Variants in LLGL1 observed in about 807,000 individuals in gnomAD.
LLGL1 encodes the protein lethal(2) giant larvae protein homolog 1.
Under a neutral mutation model 110.6 loss-of-function variants are expected in LLGL1, and 58 were observed. The observed-to-expected ratio is 0.52, with a 90% CI of 0.42 to 0.65. The LOEUF (loss-of-function observed/expected upper bound fraction) is 0.65. Ranked by LOEUF, LLGL1 falls within the 30% of genes least tolerant of loss-of-function variation. The pLI is 0.00. For missense variants in LLGL1, 1,229 were observed against 1,462.1 expected (o/e 0.84, Z 2.60); for synonymous variants, 674 against 607.2 (o/e 1.11, Z -1.62).
intron 2 of LLGL1, among the ~76,000 whole-genome samples, 187 bp downstream of exon 2, chr17:18,230,225 G>A (rs1021396258): frequency 6.6e-6 from 1 of 152,188 alleles, no homozygotes; most frequent in African/African-American, 2.4e-5. Context: ...GTGCAGAGAT[G>A]ATGGGGTCCT....
At chr17:18,242,676 G>A (rs1306442308) in intron 21 of LLGL1, 48 bp downstream of exon 21, 8 of 1,573,986 alleles carry the variant, frequency 5.1e-6, no homozygotes, top group Non-Finnish European at 6.0e-6. Context: ...TGTCCCCTAG[G>A]CCTCCGTCCC....
chr17:18,231,720 GCA>G (rs1233876244), intron 2 of LLGL1, among the ~76,000 whole-genome samples: 2 of 152,150 alleles, frequency 1.3e-5, no homozygotes, highest in African/African-American at 4.8e-5. Context: ...GAGTGCAGTC[GCA>G]CAGTTTTGGC....
intron 22 of LLGL1, 95 bp from the exon 23 acceptor site, chr17:18,243,813 G>C (rs2047914093): frequency 6.6e-6 from 1 of 152,276 alleles, no homozygotes; most frequent in Non-Finnish European, 1.5e-5. Context: ...AGAGGAGACA[G>C]TGGCAGCACC....
chr17:18,242,134 C>G (rs1324977148), intron 19 of LLGL1, 32 bp from the exon 20 acceptor site: 1 of 1,582,364 alleles, frequency 6.3e-7, no homozygotes, highest in Non-Finnish European at 8.7e-7. Flanking sequence ...AGTCATCCAC[C>G]TATGGTCCCC....
chr17:18,237,608 C>T lies in LLGL1; in HGVS notation c.1739C>T (p.Pro580Leu), dbSNP rs1063685. The T allele has an allele frequency of 1.7e-5, 27 of 1,611,028 alleles. No individual in the cohort carries two copies. Among genetic ancestry groups the T allele is most frequent in the Middle Eastern group, 2.1e-4 (1 of 4,764 alleles). ...GHERLSPRTG[P>L]LPWPAGFQPR... ...GAGCGGCTGAGCCCACGCACGGGGC[C>T]GCTGCCCTGGCCTGCTGGCTTCCAG... The change falls in exon 14 of 23, where the codon CCG (proline) becomes CTG (leucine). Residue 580 changes from proline (P) to leucine (L), a missense_variant. Transcript: ENST00000316843.
chr17:18,243,885 T>TA (rs2047916633), intron 22 of LLGL1, 23 bp from the exon 23 acceptor site: 1 of 152,600 alleles, frequency 6.6e-6, no homozygotes, highest in African/African-American at 2.4e-5. Flanking sequence ...CTTCTGCTGA[T>TA]ACCTCTTCTC....
chr17:18,238,585 T>C lies in LLGL1; in HGVS notation c.2182T>C (p.Phe728Leu), dbSNP rs1337336803. The C allele has an allele frequency of 6.2e-7, 1 of 1,612,496 alleles. No homozygotes were observed. Among genetic ancestry groups the C allele is most frequent in the Non-Finnish European group, 8.5e-7 (1 of 1,179,704 alleles). The change falls in exon 16 of 23, where the codon TTT (phenylalanine) becomes CTT (leucine). Residue 728 changes from phenylalanine to leucine, a missense_variant. By Grantham distance (22) the Phe-to-Leu change is conservative. Transcript: ENST00000316843. ...SLSGVVRCLY[F>L]ADTFLRDGAH... ...GTCGGGTGTCGTGCGTTGCCTATACTTTGCCGACACATTCCTTCGAGATGG... is the reference window on the plus strand; with the variant it reads ...GTCGGGTGTCGTGCGTTGCCTATACCTTGCCGACACATTCCTTCGAGATGG...
At chr17:18,239,258 G>C (rs2047768757) in intron 16 of LLGL1, among the ~76,000 whole-genome samples, 1 of 152,202 alleles carries the variant, frequency 6.6e-6, no homozygotes, top group Non-Finnish European at 1.5e-5. Flanking sequence ...GAGGGTCGAG[G>C]TGTGTGGTTC....
rs923855774 is a variant in LLGL1 at position 18,238,395 on chromosome 17, A to G, written c.2053-61A>G. ...GAATGGTAACAGAACGTAGGGCGCA[A>G]AGCAGGATGCAAGCCACTGGGGTGC... On this transcript the variant is annotated intron_variant, in intron 15 of 22. Coordinates refer to ENST00000316843, the MANE Select transcript of LLGL1 (RefSeq NM_004140.4). 6.3e-6 allele frequency: 10 copies of G among 1,575,558 alleles called. No individual in the cohort carries two copies. In the Admixed American group the frequency reaches 1.4e-4, roughly 22 times the overall value.
Position 18,236,823 on chromosome 17 carries a change from C to T in LLGL1, c.1507-12C>T, listed in dbSNP as rs191615736. On this transcript the variant is annotated splice_polypyrimidine_tract_variant and intron_variant, in intron 12 of 22. Transcript: ENST00000316843. ...CCCCGCCTGGACTCATTACTCCTTC[C>T]CATCCCTCTAGGTGGGCTGCTTCGA... 7 of 1,613,496 alleles carry T rather than the reference C, an allele frequency of 4.3e-6. No individual in the cohort carries two copies. Among genetic ancestry groups the T allele is most frequent in the Non-Finnish European group, 5.9e-6 (7 of 1,179,832 alleles).
intron 20 of LLGL1, 65 bp downstream of exon 20, chr17:18,242,343 C>T (rs1235044423): frequency 1.9e-6 from 3 of 1,550,760 alleles, no homozygotes; most frequent in East Asian, 2.2e-5. Flanking sequence ...GGAGTCGGGA[C>T]TCACATAGCT....
Position 18,242,017 on chromosome 17 carries a change from T to C in LLGL1, c.2882+18T>C. 2 of 1,599,900 alleles carry C rather than the reference T, an allele frequency of 1.3e-6. No homozygotes were observed. The highest frequency in any genetic ancestry group is 1.7e-6 in the Non-Finnish European group (2 of 1,167,276). On this transcript the variant is annotated intron_variant, in intron 19 of 22. Transcript: ENST00000316843. ...CAGGCCAGGTGTGTGGAGGGGCAGC[T>C]CCTAGCCTGGGGGACCTGTGCCCAG...
intron 11 of LLGL1, chr17:18,235,762 C>G: frequency 1.8e-6 from 1 of 560,942 alleles, no homozygotes; most frequent in South Asian, 2.2e-5. Context: ...TACCAAACCC[C>G]AGGGCTCCAC....
In LLGL1 at chr17:18,238,209, AGCAAGGTGAGCTGGGGTGG is replaced by A; in HGVS notation, c.2050_2052+16del. On this transcript the variant is annotated splice_donor_variant and splice_donor_5th_base_variant and coding_sequence_variant and intron_variant, in exon 15 of 23. Transcript: ENST00000316843. The stretch of plus-strand genomic sequence containing the variant: ...CAAGAAGCGGGCTGCTAATGCCAGC[AGCAAGGTGAGCTGGGGTGG>A]GCTGCACAGGAGCTGTGCCTGTGTC... The A allele has an allele frequency of 6.2e-7, 1 of 1,610,948 alleles. No individual in the cohort carries two copies. The highest frequency in any genetic ancestry group is 8.5e-7 in the Non-Finnish European group (1 of 1,180,006).
At chr17:18,227,422 C>T (rs1209813774) in intron 1 of LLGL1, among the ~76,000 whole-genome samples, 1 of 151,340 alleles carries the variant, frequency 6.6e-6, no homozygotes, top group Non-Finnish European at 1.5e-5. Context: ...TGGGGTCTCA[C>T]TCTCACCCAG....
chr17:18,235,521 G>A lies in LLGL1; in HGVS notation c.1336G>A (p.Gly446Arg). Residue 446 changes from glycine to arginine, a missense_variant, in exon 11 of 23, where the codon GGG becomes AGG. Physicochemically the swap from Gly to Arg is moderately radical, Grantham distance 125 (BLOSUM62 -2). Coordinates refer to ENST00000316843, the MANE Select transcript of LLGL1 (RefSeq NM_004140.4). ...CCTGGCCCAGGAGCCGTCACAGCGA[G>A]GGCTGCTGCTGACGGGGTAGGTGTG... ...RNLAQEPSQR[G>R]LLLTGHEDGT... 3 of 1,613,922 alleles carry A rather than the reference G, an allele frequency of 1.9e-6. No homozygotes were observed. The highest frequency in any genetic ancestry group is 2.5e-6 in the Non-Finnish European group (3 of 1,179,948).
In LLGL1 at chr17:18,229,933, C is replaced by G; in HGVS notation, c.82-8C>G. On this transcript the variant is annotated splice_region_variant and splice_polypyrimidine_tract_variant and intron_variant, in intron 1 of 22. Transcript: ENST00000316843. ...TGCTTACCCCCAGCAGCCCTCCCCTCCTTGCAGACTGTGGAGCATGGCTTC... is the reference window on the plus strand; with the variant it reads ...TGCTTACCCCCAGCAGCCCTCCCCTGCTTGCAGACTGTGGAGCATGGCTTC... The G allele has an allele frequency of 1.2e-6, 2 of 1,602,602 alleles. No homozygotes were observed. The highest frequency in any genetic ancestry group is 1.7e-6 in the Non-Finnish European group (2 of 1,175,330).
At chr17:18,230,114 G>T in intron 2 of LLGL1, 76 bp downstream of exon 2, 1 of 1,148,086 alleles carries the variant, frequency 8.7e-7, no homozygotes, top group Non-Finnish European at 1.3e-6. Flanking sequence ...TGGGGTCCCA[G>T]TCTTGGCAGT....
At chr17:18,234,475 C>G in intron 7 of LLGL1, 67 bp downstream of exon 7, 1 of 1,593,182 alleles carries the variant, frequency 6.3e-7, no homozygotes, top group Non-Finnish European at 8.6e-7. Flanking sequence ...CCAAGCCAAA[C>G]TGGCTGAGGA....
Sources: allele counts gnomAD v4.1 joint callset (sites outside exome capture counted in the v4.1 genomes callset), GRCh38; gene constraint gnomAD v4.1.1; transcripts MANE v1.5; gene names NCBI Gene and HGNC (gene_info 2026-07-23, HGNC 2026-07-21).